ITGB6: variants seen among roughly 807,000 people sequenced by gnomAD.
ITGB6 encodes the protein integrin beta-6.
In ITGB6, 80 loss-of-function variants were observed where a neutral mutation model predicts 84.5. That is an observed-to-expected ratio of 0.95 (90% CI 0.79 to 1.14). ITGB6 has a LOEUF of 1.14. ITGB6 is among the 50% of genes most tolerant of loss of function. ITGB6 has a pLI of 0.00. For synonymous variants in ITGB6, 383 were observed against 354.9 expected (o/e 1.08, Z -0.89); for missense variants, 1,006 against 968.0 (o/e 1.04, Z -0.52).
chr2:160,132,443 T>G (rs924024793), intron 10 of ITGB6, among the ~76,000 whole-genome samples: 2 of 152,198 alleles, frequency 1.3e-5, no homozygotes, highest in Admixed American at 1.3e-4. Flanking sequence ...AGCTTGGATT[T>G]CTTTGATGCT....
chr2:160,165,234 A>G (rs189481835), intron 7 of ITGB6, among the ~76,000 whole-genome samples: 1 of 152,194 alleles, frequency 6.6e-6, no homozygotes, highest in Non-Finnish European at 1.5e-5. Context: ...AATTAGCTAC[A>G]TTACAGCTTA....
chr2:160,123,896 C>T lies in ITGB6; in HGVS notation c.1884-8G>A. ...TGGCACTCAATGCAGCTCCTGTGGA[C>T]AGTATCCAACAGTGTATCAGTTCAT... On this transcript the variant is annotated splice_region_variant and splice_polypyrimidine_tract_variant and intron_variant, in intron 11 of 14. Transcript: ENST00000283249. 3 of 1,596,484 alleles carry T rather than the reference C, an allele frequency of 1.9e-6. No individual in the cohort carries two copies. The highest frequency in any genetic ancestry group is 2.2e-5 in the East Asian group (1 of 44,732).
intron 10 of ITGB6, among the ~76,000 whole-genome samples, chr2:160,129,144 G>T (rs187592653): frequency 1.9e-3 from 284 of 152,204 alleles, no homozygotes; most frequent in Non-Finnish European, 2.9e-3. Flanking sequence ...GTTAAAGAGG[G>T]AGGCACCTGG....
chr2:160,152,914 GCAAAC>G (rs1684484550), intron 7 of ITGB6, among the ~76,000 whole-genome samples: 1 of 151,570 alleles, frequency 6.6e-6, no homozygotes, highest in Non-Finnish European at 1.5e-5. Flanking sequence ...CCTCTTCAAG[GCAAAC>G]TACAAATGAA....
At position 160,165,558 on chromosome 2, in the gene ITGB6, T is replaced by C. The variant is rs539349281; in HGVS notation, c.1017+3654A>G. 3.3e-5 allele frequency among the ~76,000 whole-genome samples: 5 copies of C among 152,112 alleles called. No individual in the cohort carries two copies. The South Asian group carries it at 8.3e-4, about 25-fold the overall frequency. On this transcript the variant is annotated intron_variant, in intron 7 of 14. Coordinates refer to ENST00000283249, the MANE Select transcript of ITGB6 (RefSeq NM_000888.5). ...CAATGAAAAGCTCAAAAGAACCAAA[T>C]AGAAGAAAGAAGAGGTAAAATAACA... is the stretch of plus-strand genomic sequence containing the variant.
chr2:160,191,561 A>G (rs779732364), intron 4 of ITGB6, among the ~76,000 whole-genome samples: 28 of 152,220 alleles, frequency 1.8e-4, no homozygotes, highest in Non-Finnish European at 3.5e-4. Flanking sequence ...CTAGCTAACA[A>G]CATACTTAAT....
chr2:160,189,223 C>T (rs990473064), intron 4 of ITGB6, among the ~76,000 whole-genome samples: 1 of 152,110 alleles, frequency 6.6e-6, no homozygotes, highest in African/African-American at 2.4e-5. Context: ...TAAAGACTTA[C>T]ATGTTAGACC....
In ITGB6 at chr2:160,100,816, T is replaced by C. The variant is rs1279602594; in HGVS notation, c.*920A>G. 6.6e-6 allele frequency: 1 copy of C among 152,214 alleles called. No individual in the cohort carries two copies. Among genetic ancestry groups the C allele is most frequent in the African/African-American group, 2.4e-5 (1 of 41,476 alleles). 9.4% of individuals were successfully genotyped at this position (152,214 alleles called of 1,614,324 possible). A position where few individuals can be genotyped will look rare whatever the true frequency, so the allele number is the denominator to read the frequency against. On this transcript the variant is annotated 3_prime_UTR_variant, in exon 15 of 15. Transcript: ENST00000283249. ...TGATTTAGAGCCATTTAAAATTTTA[T>C]TGTGTTTAACACATGTTCCTTTTAT...
At chr2:160,123,506 A>G (rs937338564) in intron 12 of ITGB6, among the ~76,000 whole-genome samples, 1 of 152,204 alleles carries the variant, frequency 6.6e-6, no homozygotes, top group African/African-American at 2.4e-5. Context: ...TGAAAAATAT[A>G]GCATTCTGGA....
chr2:160,113,998 C>T (rs1289127641), intron 12 of ITGB6, among the ~76,000 whole-genome samples: 1 of 152,108 alleles, frequency 6.6e-6, no homozygotes, highest in African/African-American at 2.4e-5. Context: ...TTTAATGAAA[C>T]ATTTTATTCT....
At chr2:160,115,191 C>T (rs1049494296) in intron 12 of ITGB6, among the ~76,000 whole-genome samples, 7 of 152,248 alleles carry the variant, frequency 4.6e-5, no homozygotes, top group Non-Finnish European at 1.0e-4. Context: ...AATGGGCAGA[C>T]TGCCTCCTCA....
At chr2:160,129,583 A>T (rs1683378976) in intron 10 of ITGB6, among the ~76,000 whole-genome samples, 1 of 152,136 alleles carries the variant, frequency 6.6e-6, no homozygotes, top group Admixed American at 6.6e-5. Flanking sequence ...AAGAATTTGT[A>T]AACAAAATTA....
chr2:160,142,526 C>A (rs578017166), intron 7 of ITGB6, among the ~76,000 whole-genome samples: 8 of 152,250 alleles, frequency 5.3e-5, no homozygotes, highest in Admixed American at 2.0e-4. Context: ...AGTTTAGAGG[C>A]CTTAAGGAGT....
intron 6 of ITGB6, among the ~76,000 whole-genome samples, chr2:160,172,287 C>T (rs1685236501): frequency 6.6e-6 from 1 of 152,112 alleles, no homozygotes; most frequent in African/African-American, 2.4e-5. Flanking sequence ...AATGAGCTGC[C>T]TGTATTGCTT....
chr2:160,136,000 A>G (rs2105815615), intron 10 of ITGB6, among the ~76,000 whole-genome samples: 1 of 152,362 alleles, frequency 6.6e-6, no homozygotes, highest in Admixed American at 6.5e-5. Context: ...ATGAGCAAGG[A>G]CTTCATGTCT....
Position 160,121,234 on chromosome 2 carries a change from G to A in ITGB6, c.1981+2557C>T, listed in dbSNP as rs188485632. Among the ~76,000 whole-genome samples the A allele has an allele frequency of 3.1e-3, 469 of 152,254 alleles. 3 individuals carry two copies. The highest frequency in any genetic ancestry group is 5.0e-3 in the Non-Finnish European group (339 of 68,022). On this transcript the variant is annotated intron_variant, in intron 12 of 14. Transcript: ENST00000283249. ...CCAAGGAAAAAGTAAGGGGTTTATG[G>A]TCAGATAAGTTTGGGAATCCTCTAT...
At chr2:160,131,259 A>G (rs1455546065) in intron 10 of ITGB6, among the ~76,000 whole-genome samples, 1 of 152,216 alleles carries the variant, frequency 6.6e-6, no homozygotes, top group Non-Finnish European at 1.5e-5. Context: ...GATAGTTTCC[A>G]TCTCTTAGAA....
Position 160,137,794 on chromosome 2 carries a change from T to C in ITGB6, c.1300A>G (p.Ile434Val), listed in dbSNP as rs745790038. 6.2e-7 allele frequency: 1 copy of C among 1,614,150 alleles called. No homozygotes were observed. Among genetic ancestry groups the C allele is most frequent in the Non-Finnish European group, 8.5e-7 (1 of 1,179,998 alleles). The change falls in exon 10 of 15, where the codon ATC (isoleucine) becomes GTC (valine). Residue 434 changes from isoleucine (I) to valine (V), a missense_variant. Transcript: ENST00000283249. The part of the protein sequence containing the change: ...PHCERRSRHI[I>V]IKPVGLGDAL... ...TCCCCCAGCCCCACAGGCTTTATGA[T>C]AATGTGCCTGCTTCTTCTCTCGCAG...
rs1682557463 is a variant in ITGB6 at position 160,112,148 on chromosome 2, C to T, written c.2033G>A (p.Cys678Tyr). 6.2e-7 allele frequency: 1 copy of T among 1,610,504 alleles called. No homozygotes were observed. Among genetic ancestry groups the T allele is most frequent in the African/African-American group, 1.3e-5 (1 of 74,816 alleles). The change falls in exon 13 of 15, where the codon TGT (cysteine) becomes TAT (tyrosine). Residue 678 changes from cysteine to tyrosine, a missense_variant. Cys to Tyr is a radical substitution (Grantham distance 194, BLOSUM62 -2). Coordinates refer to ENST00000283249, the MANE Select transcript of ITGB6 (RefSeq NM_000888.5). ...TGTAGTTATTAGGAATGTAATAAGA[C>T]ATTCATTTTCTCCTTGCAGAGAGCA... is the stretch of plus-strand genomic sequence containing the variant. ...VSCSLQGENE[C>Y]LITFLITTDN...
Sources: allele counts gnomAD v4.1 joint callset (sites outside exome capture counted in the v4.1 genomes callset), GRCh38; gene constraint gnomAD v4.1.1; transcripts MANE v1.5; gene names NCBI Gene and HGNC (gene_info 2026-07-23, HGNC 2026-07-21).